Variants in ASIC2 observed in about 807,000 individuals in gnomAD.
ASIC2 encodes acid sensing ion channel subunit 2.
Under a neutral mutation model 57.3 loss-of-function variants are expected in ASIC2, and 25 were observed. The observed-to-expected ratio is 0.44, with a 90% CI of 0.32 to 0.61. ASIC2 has a LOEUF of 0.61. ASIC2 is among the 20% of genes least tolerant of loss of function. ASIC2 has a pLI of 0.06. For synonymous variants in ASIC2, 319 were observed against 307.5 expected, an observed-to-expected ratio of 1.04 and a Z score of -0.39; for missense variants, 641 against 738.1, an observed-to-expected ratio of 0.87 and a Z score of 1.52.
chr17:33,580,209 G>T (rs557868580), intron 1 of ASIC2: 4 of 152,226 alleles, frequency 2.6e-5, no homozygotes, highest in African/African-American at 9.6e-5. Context: ...CCATTCAGAT[G>T]GATATCAATT....
At chr17:33,963,599 T>G (rs375641784) in intron 1 of ASIC2, among the ~76,000 whole-genome samples, 92 of 152,026 alleles carry the variant, frequency 6.1e-4, no homozygotes, top group African/African-American at 2.1e-3. Context: ...GTGCTTAAAT[T>G]ATGTTATTGT....
intron 1 of ASIC2, among the ~76,000 whole-genome samples, chr17:34,131,961 G>C (rs369375891): frequency 6.6e-6 from 1 of 152,146 alleles, no homozygotes; most frequent in Non-Finnish European, 1.5e-5. Context: ...GTGGGACGGG[G>C]ACATTTTGGA....
chr17:33,891,525 C>G (rs1914958946), intron 1 of ASIC2, among the ~76,000 whole-genome samples: 1 of 152,176 alleles, frequency 6.6e-6, no homozygotes, highest in Non-Finnish European at 1.5e-5. Flanking sequence ...TTCTCCTTGG[C>G]AGGATCAACA....
chr17:33,391,619 A>T (rs1567845901), intron 1 of ASIC2, among the ~76,000 whole-genome samples: 1 of 152,114 alleles, frequency 6.6e-6, no homozygotes. Context: ...CTTGACCTTG[A>T]GTTGCACTCA....
chr17:33,422,345 C>T lies in ASIC2; in HGVS notation c.556-310278G>A, dbSNP rs559461721. Among the ~76,000 whole-genome samples, 350 of 152,338 alleles carry T rather than the reference C, an allele frequency of 2.3e-3. 4 individuals are homozygous for T. Among genetic ancestry groups the T allele is most frequent in the African/African-American group, 7.9e-3 (328 of 41,582 alleles). On this transcript the variant is annotated intron_variant, in intron 1 of 9. Coordinates refer to the ASIC2 transcript ENST00000359872. Reference sequence around the variant, plus strand: ...AGACTGCTCCTGTAGCAACCCCCGTCCCCACAGCTCCACCCTGGGAAAGAT... The same window carrying T: ...AGACTGCTCCTGTAGCAACCCCCGTTCCCACAGCTCCACCCTGGGAAAGAT...
intron 1 of ASIC2, among the ~76,000 whole-genome samples, chr17:33,255,698 T>G (rs1909043676): frequency 6.6e-6 from 1 of 152,142 alleles, no homozygotes; most frequent in African/African-American, 2.4e-5. Context: ...TATGGTAAAT[T>G]CTCAGAAATC....
At position 34,072,476 on chromosome 17, in the gene ASIC2, A is replaced by G. The variant is rs954234467; in HGVS notation, c.555+83502T>C. Among the ~76,000 whole-genome samples, 99 of 152,382 alleles carry G rather than the reference A, an allele frequency of 6.5e-4. 1 individual carries two copies. The highest frequency in any genetic ancestry group is 2.1e-3 in the African/African-American group (89 of 41,594). On this transcript the variant is annotated intron_variant, in intron 1 of 9. Transcript: ENST00000359872. ...AGTTAGAACGTGGCAAAGCCAGCAT[A>G]GAGCCAGCTGCTAGTGCTTTAAAAA...
At chr17:33,252,616 C>T (rs550092216) in intron 1 of ASIC2, among the ~76,000 whole-genome samples, 2 of 152,106 alleles carry the variant, frequency 1.3e-5, no homozygotes, top group East Asian at 1.9e-4. Flanking sequence ...GTGCTGTTCA[C>T]GTAGTGCAAC....
intron 1 of ASIC2, among the ~76,000 whole-genome samples, chr17:33,940,049 T>C (rs1213102368): frequency 1.3e-5 from 2 of 152,144 alleles, no homozygotes; most frequent in Non-Finnish European, 2.9e-5. Context: ...TACTCATGCA[T>C]CCTCTCCTTT....
chr17:33,442,454 T>C (rs1486668698), intron 1 of ASIC2, among the ~76,000 whole-genome samples: 3 of 152,180 alleles, frequency 2.0e-5, no homozygotes, highest in African/African-American at 7.2e-5. Context: ...TGTTTTATAG[T>C]TTTCAGTGAT....
chr17:33,930,981 C>T (rs778919027), intron 1 of ASIC2, among the ~76,000 whole-genome samples: 1 of 152,118 alleles, frequency 6.6e-6, no homozygotes, highest in Non-Finnish European at 1.5e-5. Context: ...TGCAGTGGCA[C>T]GATCTCGGCT....
At chr17:33,784,900 T>A (rs1192649420) in intron 1 of ASIC2, among the ~76,000 whole-genome samples, 1 of 152,192 alleles carries the variant, frequency 6.6e-6, no homozygotes, top group Non-Finnish European at 1.5e-5. Context: ...ACCCGTACTT[T>A]ATCATTTTTT....
At chr17:33,373,130 C>A (rs1229983610) in intron 1 of ASIC2, among the ~76,000 whole-genome samples, 1 of 152,090 alleles carries the variant, frequency 6.6e-6, no homozygotes, top group Admixed American at 6.5e-5. Flanking sequence ...AGAAGAGAAC[C>A]CAGGAGGAAG....
At chr17:33,325,753 G>A (rs1907050974) in intron 1 of ASIC2, among the ~76,000 whole-genome samples, 1 of 152,122 alleles carries the variant, frequency 6.6e-6, no homozygotes, top group African/African-American at 2.4e-5. Context: ...AGCAAAGGAT[G>A]TGGTGGAGTG....
Position 33,038,521 on chromosome 17 carries a change from G to A in ASIC2, c.988-10129C>T, listed in dbSNP as rs1305039104. 2.6e-5 allele frequency among the ~76,000 whole-genome samples: 4 copies of A among 152,266 alleles called. No homozygotes were observed. In the East Asian group the frequency reaches 5.8e-4, roughly 22 times the overall value. ...ACATGTAGGGTGGATGAGCTAGCCCGGAGATCGAGGAGAGACACCCAGGAT... is the reference window on the plus strand; with the variant it reads ...ACATGTAGGGTGGATGAGCTAGCCCAGAGATCGAGGAGAGACACCCAGGAT... On this transcript the variant is annotated intron_variant, in intron 3 of 9. Coordinates refer to ENST00000225823, the MANE Select transcript of ASIC2 (RefSeq NM_183377.2).
intron 1 of ASIC2, among the ~76,000 whole-genome samples, chr17:33,901,512 C>G (rs1459007451): frequency 6.6e-6 from 1 of 152,100 alleles, no homozygotes; most frequent in African/African-American, 2.4e-5. Context: ...GGAGCACCTA[C>G]CATATGCCTG....
At chr17:33,499,045 A>T (rs957114428) in intron 1 of ASIC2, among the ~76,000 whole-genome samples, 1 of 152,138 alleles carries the variant, frequency 6.6e-6, no homozygotes, top group Non-Finnish European at 1.5e-5. Context: ...CAAGTGTTGA[A>T]AACCCAAGTG....
rs376938662 is a variant in ASIC2 at position 33,962,122 on chromosome 17, T to C, written c.555+193856A>G. 5.3e-5 allele frequency among the ~76,000 whole-genome samples: 8 copies of C among 152,254 alleles called. No homozygotes were observed. The East Asian group carries it at 1.2e-3, about 22-fold the overall frequency. ...ATGCAAGCCCATGAACAAGTCCAGTTCTGTGGGCCTGCCAAACACCAACTG... is the reference window on the plus strand; with the variant it reads ...ATGCAAGCCCATGAACAAGTCCAGTCCTGTGGGCCTGCCAAACACCAACTG... On this transcript the variant is annotated intron_variant, in intron 1 of 9. Transcript: ENST00000359872.
chr17:33,272,755 C>T (rs1484734128), intron 1 of ASIC2, among the ~76,000 whole-genome samples: 3 of 152,190 alleles, frequency 2.0e-5, no homozygotes, highest in Non-Finnish European at 2.9e-5. Context: ...GCTTATGATG[C>T]TTTACATTGA....
Sources: allele counts gnomAD v4.1 joint callset (sites outside exome capture counted in the v4.1 genomes callset), GRCh38; gene constraint gnomAD v4.1.1; transcripts MANE v1.5; gene names NCBI Gene and HGNC (gene_info 2026-07-23, HGNC 2026-07-21).